The following WNK1 variants were observed in gnomAD, a reference collection of about 807,000 sequenced individuals.
WNK1 encodes serine/threonine-protein kinase WNK1.
A neutral mutation model predicts 222.8 loss-of-function variants in WNK1; 38 were observed. That is an observed-to-expected ratio of 0.17 (90% CI 0.13 to 0.22). The LOEUF (loss-of-function observed/expected upper bound fraction) is 0.22, where lower values mean the gene tolerates loss of function less well. Among genes scored for constraint, WNK1 ranks in the 10% least tolerant of loss-of-function variants. WNK1 has a pLI of 1.00. For missense variants in WNK1, 2,348 were observed against 2,918.4 expected (o/e 0.80, Z 4.50); for synonymous variants, 1,090 against 1,092.9 (o/e 1.00, Z 0.05).
At chr12:804,897 A>ATATTTCTATATTT (rs1555100412) in intron 1 of WNK1, among the ~76,000 whole-genome samples, 1 of 11,060 alleles carries the variant, frequency 9.0e-5, no homozygotes, top group Non-Finnish European at 2.2e-4. Context: ...AATTTGGTAC[A>ATATTTCTATATTT]TATTTTTATA....
rs552300846 is a variant in WNK1, at chr12:815,912, C to A, written c.932+2098C>A. Among the ~76,000 whole-genome samples the A allele has an allele frequency of 6.6e-5, 10 of 152,282 alleles. No individual in the cohort carries two copies. In the South Asian group the frequency reaches 2.1e-3, roughly 32 times the overall value. ...AATAAAAGTTTTTTCCAATACGTGTCTAAGCTTTAAGGAAAGAAAGGTTAA... is the reference window on the plus strand; with the variant it reads ...AATAAAAGTTTTTTCCAATACGTGTATAAGCTTTAAGGAAAGAAAGGTTAA... On this transcript the variant is annotated intron_variant, in intron 2 of 27. Coordinates refer to ENST00000315939, the MANE Select transcript of WNK1 (RefSeq NM_018979.4).
intron 1 of WNK1, among the ~76,000 whole-genome samples, chr12:771,224 C>G (rs1942448920): frequency 6.6e-6 from 1 of 151,950 alleles, no homozygotes; most frequent in Non-Finnish European, 1.5e-5. Flanking sequence ...GTCTCCATCT[C>G]CTGACCTCGT....
intron 1 of WNK1, among the ~76,000 whole-genome samples, chr12:780,332 CA>C (rs1943568362): frequency 6.6e-6 from 1 of 152,150 alleles, no homozygotes; most frequent in Non-Finnish European, 1.5e-5. Flanking sequence ...ACACTGATCA[CA>C]AAAATATGGT....
At chr12:899,069 A>T (rs1360280369) in intron 25 of WNK1, among the ~76,000 whole-genome samples, 1 of 151,938 alleles carries the variant, frequency 6.6e-6, no homozygotes, top group African/African-American at 2.4e-5. Flanking sequence ...GGATAGATAG[A>T]GAGTTTCTAA....
intron 1 of WNK1, among the ~76,000 whole-genome samples, chr12:782,039 G>A (rs1943763394): frequency 6.6e-6 from 1 of 152,074 alleles, no homozygotes; most frequent in Admixed American, 6.6e-5. Flanking sequence ...TGACAATTTT[G>A]TATACTTGGC....
chr12:862,364 G>C (rs1951284251), intron 8 of WNK1, 94 bp downstream of exon 8: 26 of 1,321,366 alleles, frequency 2.0e-5, no homozygotes, highest in Admixed American at 5.6e-5. Flanking sequence ...GTAACAGTAT[G>C]AGTCTGAAGT....
intron 1 of WNK1, among the ~76,000 whole-genome samples, chr12:804,097 G>T (rs1220486111): frequency 6.6e-6 from 1 of 152,130 alleles, no homozygotes; most frequent in Non-Finnish European, 1.5e-5. Flanking sequence ...TGTACCTCAA[G>T]TCCTTACCAA....
intron 14 of WNK1, 36 bp from the exon 15 acceptor site, chr12:882,907 T>C: frequency 7.7e-7 from 1 of 1,299,936 alleles, no homozygotes; most frequent in South Asian, 1.2e-5. Flanking sequence ...AAGCTGAATA[T>C]GGTCTTTGGA....
intron 26 of WNK1, among the ~76,000 whole-genome samples, chr12:907,453 T>C (rs1955805396): frequency 6.6e-6 from 1 of 152,240 alleles, no homozygotes; most frequent in Non-Finnish European, 1.5e-5. Flanking sequence ...AACCTCTTTT[T>C]CCCTGCATTC....
In WNK1 at chr12:890,066, C is replaced by T. The variant is rs563819677; in HGVS notation, c.5449-387C>T. On this transcript the variant is annotated intron_variant, in intron 21 of 27. Coordinates refer to ENST00000315939, the MANE Select transcript of WNK1 (RefSeq NM_018979.4). ...CTCCCAGGTTCAAGTGATTCTTCTA[C>T]CTCAGCCTCCCGAGTAGCTGGGATT... 3.3e-5 allele frequency among the ~76,000 whole-genome samples: 5 copies of T among 150,234 alleles called. No homozygotes were observed. In the South Asian group the frequency reaches 1.1e-3, roughly 32 times the overall value.
At chr12:791,561 T>A (rs924822499) in intron 1 of WNK1, among the ~76,000 whole-genome samples, 17 of 148,576 alleles carry the variant, frequency 1.1e-4, no homozygotes, top group Non-Finnish European at 1.8e-4. Flanking sequence ...GCTTCTTTTT[T>A]AAAAAAAAAA....
chr12:789,765 G>A (rs1431376509), intron 1 of WNK1, among the ~76,000 whole-genome samples: 1 of 152,132 alleles, frequency 6.6e-6, no homozygotes, highest in Non-Finnish European at 1.5e-5. Context: ...GTAAGGCAGT[G>A]TCAGATTGAT....
At chr12:865,967 A>G (rs771395083) in intron 8 of WNK1, among the ~76,000 whole-genome samples, 3 of 152,186 alleles carry the variant, frequency 2.0e-5, no homozygotes, top group Non-Finnish European at 4.4e-5. Context: ...TGTAGCTCTA[A>G]TGAATGCATT....
At chr12:871,479 G>A (rs1448633964) in intron 9 of WNK1, 131 bp downstream of exon 9, 1 of 823,808 alleles carries the variant, frequency 1.2e-6, no homozygotes, top group African/African-American at 1.7e-5. Context: ...CATGTCTTGT[G>A]TTCAGTAACA....
chr12:757,626 T>G (rs1286765302), intron 1 of WNK1, among the ~76,000 whole-genome samples: 3 of 152,132 alleles, frequency 2.0e-5, no homozygotes, highest in African/African-American at 7.2e-5. Context: ...ACCTTAATTT[T>G]AATATTTGGT....
chr12:836,681 A>G (rs1045553699), intron 4 of WNK1, among the ~76,000 whole-genome samples: 21 of 152,242 alleles, frequency 1.4e-4, no homozygotes, highest in African/African-American at 4.1e-4. Flanking sequence ...TGTAGAGATG[A>G]ATATCTAGAT....
intron 8 of WNK1, 75 bp downstream of exon 8, chr12:862,345 ACAAAC>A (rs1312159910): frequency 2.7e-6 from 4 of 1,491,440 alleles, no homozygotes; most frequent in Non-Finnish European, 3.7e-6. Flanking sequence ...AATTCTTTGT[ACAAAC>A]CAAGTAACAG....
rs1952123982 is a variant in WNK1 at position 871,287 on chromosome 12, A to G, written c.2162A>G (p.Gln721Arg). 6.2e-7 allele frequency: 1 copy of G among 1,614,242 alleles called. No homozygotes were observed. The highest frequency in any genetic ancestry group is 8.5e-7 in the Non-Finnish European group (1 of 1,180,040). Residue 721 changes from glutamine to arginine, a missense_variant, in exon 9 of 28, where the codon CAG becomes CGG. By Grantham distance (43) the Gln-to-Arg change is conservative (BLOSUM62 1). Transcript: ENST00000315939. ...CAGGCACAGGGGCAGAGCCAGGGTCAGCCATCCTCAAGTAGCTTAACAGGG... is the reference window on the plus strand; with the variant it reads ...CAGGCACAGGGGCAGAGCCAGGGTCGGCCATCCTCAAGTAGCTTAACAGGG... ...SSVAQGQSQGQPSSSSLTGVS... is the reference protein window; with the variant it reads ...SSVAQGQSQGRPSSSSLTGVS...
intron 26 of WNK1, among the ~76,000 whole-genome samples, chr12:905,310 C>T (rs144699446): frequency 7.3e-4 from 111 of 152,264 alleles, no homozygotes; most frequent in African/African-American, 2.6e-3. Flanking sequence ...GGCCTGTATA[C>T]AGAAGCCAGA....
Sources: gnomAD v4.1 joint callset for allele counts (sites outside exome capture counted in the v4.1 genomes callset) on GRCh38, gnomAD v4.1.1 for gene constraint, MANE v1.5 for transcripts, NCBI Gene and HGNC (gene_info 2026-07-23, HGNC 2026-07-21) for gene names.